The following RBMS3 variants were observed in gnomAD, a reference collection of about 807,000 sequenced individuals.
RBMS3 encodes RNA-binding motif, single-stranded-interacting protein 3.
In RBMS3, 27 loss-of-function variants were observed where a neutral mutation model predicts 66.8. The ratio of observed to expected loss-of-function variants is 0.40; its 90% CI spans 0.30 to 0.56. RBMS3 has a LOEUF of 0.56. Among genes scored for constraint, RBMS3 ranks in the 20% least tolerant of loss-of-function variants. The pLI is 0.40. For synonymous variants in RBMS3, 188 were observed against 183.0 expected (o/e 1.03, Z -0.22); for missense variants, 513 against 549.5 (o/e 0.93, Z 0.66).
chr3:29,789,374 T>C (rs2056928456), intron 6 of RBMS3, among the ~76,000 whole-genome samples: 1 of 152,084 alleles, frequency 6.6e-6, no homozygotes, highest in Non-Finnish European at 1.5e-5. Context: ...TTTGAAGCCA[T>C]CTAGAATTTA....
At chr3:29,913,655 A>G (rs1428991434) in intron 10 of RBMS3, among the ~76,000 whole-genome samples, 2 of 151,988 alleles carry the variant, frequency 1.3e-5, no homozygotes, top group African/African-American at 4.8e-5. Context: ...GTTCTGAATA[A>G]TAACCTTAAA....
intron 4 of RBMS3, among the ~76,000 whole-genome samples, chr3:29,647,194 G>T (rs895375277): frequency 6.6e-6 from 1 of 152,146 alleles, no homozygotes; most frequent in African/African-American, 2.4e-5. Context: ...GGCCAGGCTG[G>T]TCTCGAACTC....
At chr3:29,727,807 C>T (rs2053948431) in intron 4 of RBMS3, among the ~76,000 whole-genome samples, 1 of 152,166 alleles carries the variant, frequency 6.6e-6, no homozygotes, top group Non-Finnish European at 1.5e-5. Context: ...GGCGATTCCT[C>T]AAGGATCTAG....
intron 1 of RBMS3, among the ~76,000 whole-genome samples, chr3:29,367,147 GAT>G (rs1300398816): frequency 2.0e-5 from 3 of 151,900 alleles, no homozygotes; most frequent in Non-Finnish European, 4.4e-5. Flanking sequence ...TTAAAATTTT[GAT>G]ATGTTTTTCC....
intron 4 of RBMS3, among the ~76,000 whole-genome samples, chr3:29,631,604 C>G (rs1248808207): frequency 6.6e-6 from 1 of 151,862 alleles, no homozygotes; most frequent in Non-Finnish European, 1.5e-5. Context: ...CCCACTAGAA[C>G]AAAATTTGAC....
chr3:29,714,144 G>A (rs1178729227), intron 4 of RBMS3, among the ~76,000 whole-genome samples: 1 of 152,118 alleles, frequency 6.6e-6, no homozygotes, highest in Non-Finnish European at 1.5e-5. Flanking sequence ...CTCTTCTAGG[G>A]GCTGGGGCCA....
chr3:29,348,281 T>G (rs2036696787), intron 1 of RBMS3, among the ~76,000 whole-genome samples: 1 of 152,202 alleles, frequency 6.6e-6, no homozygotes, highest in South Asian at 2.1e-4. Context: ...AGGCTGAAAA[T>G]AATTCCCCAA....
chr3:29,910,039 C>A (rs979909224), intron 10 of RBMS3, among the ~76,000 whole-genome samples: 1 of 152,042 alleles, frequency 6.6e-6, no homozygotes, highest in Non-Finnish European at 1.5e-5. Context: ...AGTATCACAG[C>A]TTTGCCAGTT....
intron 1 of RBMS3, among the ~76,000 whole-genome samples, chr3:29,371,621 T>A (rs1354570408): frequency 6.6e-6 from 1 of 152,226 alleles, no homozygotes; most frequent in Non-Finnish European, 1.5e-5. Context: ...TATGAGAACA[T>A]GTATGTGTCT....
intron 3 of RBMS3, among the ~76,000 whole-genome samples, chr3:29,548,366 G>C (rs2046048549): frequency 6.6e-6 from 1 of 151,040 alleles, no homozygotes; most frequent in South Asian, 2.1e-4. Flanking sequence ...GGATTTCAAA[G>C]TTACGATGAT....
intron 7 of RBMS3, among the ~76,000 whole-genome samples, chr3:29,872,721 T>C (rs1435480999): frequency 2.6e-5 from 4 of 152,158 alleles, no homozygotes; most frequent in African/African-American, 9.7e-5. Context: ...TCCAGGAGCA[T>C]CATGATCCAG....
intron 3 of RBMS3, among the ~76,000 whole-genome samples, chr3:29,519,470 A>T (rs2044768536): frequency 6.6e-6 from 1 of 152,192 alleles, no homozygotes; most frequent in African/African-American, 2.4e-5. Flanking sequence ...AAGGAGCAAA[A>T]AATAGAAAGG....
intron 4 of RBMS3, among the ~76,000 whole-genome samples, chr3:29,604,831 T>G (rs1046313324): frequency 6.6e-6 from 1 of 151,946 alleles, no homozygotes; most frequent in Non-Finnish European, 1.5e-5. Flanking sequence ...CCTCCAGGGA[T>G]AGACTACTAG....
At chr3:29,840,862 A>G (rs2058646334) in intron 6 of RBMS3, among the ~76,000 whole-genome samples, 1 of 151,952 alleles carries the variant, frequency 6.6e-6, no homozygotes. Context: ...ATTTATGTAT[A>G]TGATGGACAC....
intron 3 of RBMS3, among the ~76,000 whole-genome samples, chr3:29,581,085 T>C (rs537942626): frequency 4.0e-4 from 61 of 152,328 alleles, no homozygotes; most frequent in Non-Finnish European, 6.3e-4. Flanking sequence ...CTTTTGCTTT[T>C]CAGCAGGAAC....
At chr3:29,973,511 C>T (rs931759566) in intron 12 of RBMS3, among the ~76,000 whole-genome samples, 2 of 151,802 alleles carry the variant, frequency 1.3e-5, no homozygotes, top group African/African-American at 4.8e-5. Context: ...GTCCTATTAC[C>T]CAGTCTATGC....
chr3:29,409,446 T>C (rs1395595008), intron 1 of RBMS3, among the ~76,000 whole-genome samples: 1 of 152,256 alleles, frequency 6.6e-6, no homozygotes, highest in Non-Finnish European at 1.5e-5. Flanking sequence ...CAACACAGTC[T>C]TCATTGCAGT....
intron 7 of RBMS3, chr3:29,880,917 A>G (rs2149573454): frequency 8.1e-7 from 1 of 1,236,186 alleles, no homozygotes; most frequent in Admixed American, 2.0e-5. Context: ...CTAGTTACTC[A>G]TTCCTCTGGA....
intron 6 of RBMS3, among the ~76,000 whole-genome samples, chr3:29,767,865 C>G (rs898923756): frequency 6.6e-6 from 1 of 151,910 alleles, no homozygotes; most frequent in Non-Finnish European, 1.5e-5. Flanking sequence ...TGTTGCAGAG[C>G]TTTGCGATCT....
Sources: allele counts gnomAD v4.1 joint callset (sites outside exome capture counted in the v4.1 genomes callset), GRCh38; gene constraint gnomAD v4.1.1; transcripts MANE v1.5; gene names NCBI Gene and HGNC (gene_info 2026-07-23, HGNC 2026-07-21).